ZNF385D: variants seen among roughly 807,000 people sequenced by gnomAD.
The protein encoded by ZNF385D is zinc finger protein 659.
Under a neutral mutation model 35.8 loss-of-function variants are expected in ZNF385D, and 15 were observed. The ratio of observed to expected loss-of-function variants is 0.42; its 90% CI spans 0.28 to 0.64. The LOEUF (loss-of-function observed/expected upper bound fraction) is 0.64, where lower values mean the gene tolerates loss of function less well. Ranked by LOEUF, ZNF385D falls within the 30% of genes least tolerant of loss-of-function variation. The pLI, the probability that ZNF385D is intolerant of heterozygous loss-of-function variation, is 0.23. For missense variants in ZNF385D, 474 were observed against 494.6 expected (o/e 0.96, Z 0.39); for synonymous variants, 212 against 186.8 (o/e 1.13, Z -1.10).
At position 22,276,015 on chromosome 3, in the gene ZNF385D, G is replaced by A. The variant is rs1575014054; in HGVS notation, c.106+96435C>T. 2.6e-5 allele frequency among the ~76,000 whole-genome samples: 4 copies of A among 152,266 alleles called. No individual in the cohort carries two copies. The South Asian group carries it at 8.3e-4, about 32-fold the overall frequency. On this transcript the variant is annotated intron_variant, in intron 2 of 5. Transcript: ENST00000494108. ...CACAAAAATCACTTGAACCCAGGAAGTGGAGGTTGCAGTGAGCCAAGATCC... is the reference window on the plus strand; with the variant it reads ...CACAAAAATCACTTGAACCCAGGAAATGGAGGTTGCAGTGAGCCAAGATCC...
At chr3:21,875,284 G>A (rs949598) in intron 3 of ZNF385D, among the ~76,000 whole-genome samples, 136,309 of 151,936 alleles carry the variant, frequency 0.9, 61,521 homozygotes, top group African/African-American at 0.95. Context: ...AACTTCCAGT[G>A]TTTATTTTCA....
intron 2 of ZNF385D, among the ~76,000 whole-genome samples, chr3:22,366,443 C>A (rs1010041978): frequency 6.6e-6 from 1 of 152,076 alleles, no homozygotes; most frequent in Non-Finnish European, 1.5e-5. Flanking sequence ...GTGAAGAGAG[C>A]AGAAAATAAT....
intron 3 of ZNF385D, among the ~76,000 whole-genome samples, chr3:22,091,170 C>A (rs1456355329): frequency 2.0e-5 from 3 of 152,112 alleles, no homozygotes; most frequent in African/African-American, 7.2e-5. Context: ...GTGGCTCTAA[C>A]AACTAACTTA....
At chr3:21,688,408 G>A (rs192191086) in intron 1 of ZNF385D, among the ~76,000 whole-genome samples, 1 of 152,094 alleles carries the variant, frequency 6.6e-6, no homozygotes, top group Admixed American at 6.5e-5. Context: ...TTATAAATAA[G>A]TTATTTCAAA....
intron 2 of ZNF385D, among the ~76,000 whole-genome samples, chr3:21,632,510 A>G (rs370017542): frequency 1.3e-5 from 2 of 152,260 alleles, no homozygotes; most frequent in South Asian, 2.1e-4. Context: ...ATTCAAAACA[A>G]TTCTGCATAA....
At chr3:22,039,311 T>TGGC (rs1014654778) in intron 3 of ZNF385D, among the ~76,000 whole-genome samples, 26 of 149,680 alleles carry the variant, frequency 1.7e-4, no homozygotes, top group African/African-American at 5.7e-4. Context: ...TAGGGGCAGA[T>TGGC]GGCATGCTAT....
chr3:21,645,464 C>T (rs1183188932), intron 2 of ZNF385D, among the ~76,000 whole-genome samples: 4 of 152,164 alleles, frequency 2.6e-5, no homozygotes, highest in Non-Finnish European at 5.9e-5. Flanking sequence ...GGGATCTTAA[C>T]TGCATTTGCA....
intron 3 of ZNF385D, among the ~76,000 whole-genome samples, chr3:22,061,245 G>C (rs1010944188): frequency 4.6e-5 from 7 of 152,192 alleles, no homozygotes; most frequent in Admixed American, 4.6e-4. Context: ...ATGAAGAAAA[G>C]TAGTCATTTA....
chr3:21,913,981 G>A (rs1211495914), intron 3 of ZNF385D, among the ~76,000 whole-genome samples: 1 of 152,068 alleles, frequency 6.6e-6, no homozygotes, highest in African/African-American at 2.4e-5. Context: ...AGGGTGCACA[G>A]ATTTGCAGCT....
chr3:21,905,526 C>T (rs909961443), intron 3 of ZNF385D, among the ~76,000 whole-genome samples: 2 of 151,824 alleles, frequency 1.3e-5, no homozygotes, highest in Admixed American at 1.3e-4. Flanking sequence ...AGAAGCTAAA[C>T]TCTTCAGAAT....
At chr3:21,890,134 T>G (rs751199440) in intron 3 of ZNF385D, among the ~76,000 whole-genome samples, 1 of 152,160 alleles carries the variant, frequency 6.6e-6, no homozygotes, top group Non-Finnish European at 1.5e-5. Flanking sequence ...TTTGGGGAGA[T>G]GCAATTCAAC....
At chr3:22,112,521 T>A (rs1702587183) in intron 3 of ZNF385D, among the ~76,000 whole-genome samples, 1 of 152,168 alleles carries the variant, frequency 6.6e-6, no homozygotes, top group Admixed American at 6.6e-5. Flanking sequence ...TATCAATTTA[T>A]CAATGTATGT....
Position 21,908,118 on chromosome 3 carries a change from A to ATATCTATC in ZNF385D, c.326-243098_326-243091dup, listed in dbSNP as rs61001621. ...TCTATATCTATATATCTTTCTCTCT[A>ATATCTATC]TATCTATCTATCTATCTATCTATCT... On this transcript the variant is annotated intron_variant, in intron 3 of 5. Coordinates refer to the ZNF385D transcript ENST00000494108. Among the ~76,000 whole-genome samples, 1,037 of 135,734 alleles carry ATATCTATC rather than the reference A, an allele frequency of 7.6e-3. 3 individuals are homozygous for ATATCTATC. Among genetic ancestry groups the ATATCTATC allele is most frequent in the Middle Eastern group, 0.019 (5 of 258 alleles). The allele number at this position is 135,734 out of a possible 152,430, so 89.0% of individuals were successfully genotyped here.
At chr3:21,685,103 A>T (rs2067062688) in intron 1 of ZNF385D, among the ~76,000 whole-genome samples, 2 of 152,198 alleles carry the variant, frequency 1.3e-5, no homozygotes. Flanking sequence ...GCTAAGAAAA[A>T]AATACTGCAA....
intron 2 of ZNF385D, among the ~76,000 whole-genome samples, chr3:22,182,954 G>A (rs1018337797): frequency 6.6e-6 from 1 of 151,912 alleles, no homozygotes; most frequent in Non-Finnish European, 1.5e-5. Flanking sequence ...GATGGATATG[G>A]ATAGAAATAT....
chr3:22,321,808 T>C (rs188164377), intron 2 of ZNF385D, among the ~76,000 whole-genome samples: 2 of 152,310 alleles, frequency 1.3e-5, no homozygotes, highest in East Asian at 3.9e-4. Context: ...TTCATTCTTT[T>C]CCTTACTAAA....
chr3:22,118,725 G>T (rs1235377865), intron 3 of ZNF385D, among the ~76,000 whole-genome samples: 1 of 152,012 alleles, frequency 6.6e-6, no homozygotes, highest in African/African-American at 2.4e-5. Flanking sequence ...TGATATCCTT[G>T]ATCTGACCTA....
intron 3 of ZNF385D, among the ~76,000 whole-genome samples, chr3:21,907,455 C>T (rs1003061484): frequency 4.6e-5 from 7 of 152,026 alleles, no homozygotes; most frequent in Non-Finnish European, 7.4e-5. Flanking sequence ...AATAGGTAAA[C>T]TGCATTCCAC....
intron 3 of ZNF385D, among the ~76,000 whole-genome samples, chr3:22,089,536 T>C (rs868092552): frequency 1.3e-5 from 2 of 152,168 alleles, no homozygotes; most frequent in Non-Finnish European, 2.9e-5. Context: ...AGTGTGCTTT[T>C]AACAGTGGCT....
Sources: gnomAD v4.1 joint callset for allele counts (sites outside exome capture counted in the v4.1 genomes callset) on GRCh38, gnomAD v4.1.1 for gene constraint, MANE v1.5 for transcripts, NCBI Gene and HGNC (gene_info 2026-07-23, HGNC 2026-07-21) for gene names.